Variants in CPS1 observed in about 807,000 individuals in gnomAD.
CPS1 encodes carbamoyl-phosphate synthase [ammonia], mitochondrial.
Under a neutral mutation model 174.6 loss-of-function variants are expected in CPS1, and 109 were observed. That is an observed-to-expected ratio of 0.62 (90% confidence interval 0.53 to 0.73). The LOEUF (loss-of-function observed/expected upper bound fraction) is 0.73. CPS1 is among the 30% of genes least tolerant of loss of function. CPS1 has a pLI of 0.00. For synonymous variants in CPS1, 637 were observed against 632.0 expected (o/e 1.01, Z -0.12); for missense variants, 1,689 against 1,821.9 (o/e 0.93, Z 1.33).
In CPS1 at chr2:210,647,387, C is replaced by G. The variant is rs532273715; in HGVS notation, c.3142-476C>G. On this transcript the variant is annotated intron_variant, in intron 25 of 37. Coordinates refer to ENST00000233072, the MANE Select transcript of CPS1 (RefSeq NM_001875.5). ...GGGGGTCAAAAGTTTATGCTTTATTCTCTAGGCAGTGGAAACCTTTGGAGA... is the reference window on the plus strand; with the variant it reads ...GGGGGTCAAAAGTTTATGCTTTATTGTCTAGGCAGTGGAAACCTTTGGAGA... Among the ~76,000 whole-genome samples, 5 of 152,206 alleles carry G rather than the reference C, an allele frequency of 3.3e-5. No homozygotes were observed. In the South Asian group the frequency reaches 1.0e-3, roughly 32 times the overall value.
At chr2:210,592,416 T>A (rs1698338465) in intron 10 of CPS1, among the ~76,000 whole-genome samples, 1 of 151,990 alleles carries the variant, frequency 6.6e-6, no homozygotes, top group Non-Finnish European at 1.5e-5. Context: ...TCAACAACTA[T>A]CTCATATATT....
intron 28 of CPS1, among the ~76,000 whole-genome samples, chr2:210,651,662 G>C (rs549812072): frequency 1.3e-5 from 2 of 152,040 alleles, no homozygotes; most frequent in Non-Finnish European, 2.9e-5. Context: ...TTCCTTTAGC[G>C]TATGGATAGA....
intron 34 of CPS1, among the ~76,000 whole-genome samples, chr2:210,669,789 T>C (rs1024220730): frequency 2.0e-5 from 3 of 152,152 alleles, no homozygotes; most frequent in African/African-American, 7.2e-5. Context: ...TTTGCCCAAC[T>C]TCCAGTTATG....
intron 1 of CPS1, among the ~76,000 whole-genome samples, chr2:210,502,578 C>CAT (rs1695175939): frequency 6.6e-6 from 1 of 151,196 alleles, no homozygotes; most frequent in African/African-American, 2.4e-5. Context: ...ATGCTGCTTG[C>CAT]ATATGTTAAT....
intron 1 of CPS1, among the ~76,000 whole-genome samples, chr2:210,533,578 C>A (rs1696171716): frequency 6.6e-6 from 1 of 152,150 alleles, no homozygotes; most frequent in East Asian, 1.9e-4. Flanking sequence ...ACAAGCTTCA[C>A]AAAGGAGGGC....
At position 210,660,485 on chromosome 2, in the gene CPS1, G is replaced by A. The variant is rs746346401; in HGVS notation, c.3757G>A (p.Val1253Met). Residue 1253 changes from valine to methionine, a missense_variant and splice_region_variant, in exon 32 of 38, where the codon GTG becomes ATG. Coordinates refer to ENST00000233072, the MANE Select transcript of CPS1 (RefSeq NM_001875.5). ...CTCATTTTGAATTTTATCTCTTCAG[G>A]TGATTGAGTGTAACTTGAGAGCTTC... is the stretch of plus-strand genomic sequence containing the variant. The part of the protein sequence containing the change: ...QFLVKGNDVL[V>M]IECNLRASRS... 2.5e-6 allele frequency: 4 copies of A among 1,613,988 alleles called. No homozygotes were observed. The highest frequency in any genetic ancestry group is 1.7e-5 in the Admixed American group (1 of 60,016).
intron 21 of CPS1, among the ~76,000 whole-genome samples, chr2:210,635,338 C>T (rs1017432040): frequency 2.6e-4 from 39 of 152,262 alleles, no homozygotes; most frequent in African/African-American, 3.6e-4. Flanking sequence ...TCTGGCCTCA[C>T]GTAGCACCAC....
At chr2:210,498,777 G>C (rs1433537900) in intron 1 of CPS1, among the ~76,000 whole-genome samples, 4 of 152,150 alleles carry the variant, frequency 2.6e-5, no homozygotes, top group African/African-American at 9.7e-5. Context: ...CTAGATGCTT[G>C]GAGATCTGCC....
chr2:210,524,939 G>A (rs1386109852), intron 1 of CPS1, among the ~76,000 whole-genome samples: 4 of 151,940 alleles, frequency 2.6e-5, no homozygotes, highest in Non-Finnish European at 5.9e-5. Context: ...ATCTGGTAAA[G>A]TAAGAAGTAT....
intron 1 of CPS1, among the ~76,000 whole-genome samples, chr2:210,567,827 A>G (rs989091422): frequency 9.2e-5 from 14 of 152,136 alleles, no homozygotes; most frequent in African/African-American, 1.4e-4. Context: ...AACTATACCT[A>G]TGTGAAATAT....
At chr2:210,618,761 C>T (rs1324362509) in intron 21 of CPS1, 1 of 152,026 alleles carries the variant, frequency 6.6e-6, no homozygotes, top group Non-Finnish European at 1.5e-5. Context: ...CACCATTAGT[C>T]TGGGTCTGAG....
intron 1 of CPS1, among the ~76,000 whole-genome samples, chr2:210,547,664 G>A (rs1162968994): frequency 6.6e-6 from 1 of 151,936 alleles, no homozygotes; most frequent in African/African-American, 2.4e-5. Flanking sequence ...TTTTCATTAG[G>A]TTTTAAGTCT....
chr2:210,489,205 A>G (rs549353763), intron 1 of CPS1, among the ~76,000 whole-genome samples: 2 of 152,342 alleles, frequency 1.3e-5, no homozygotes, highest in African/African-American at 4.8e-5. Flanking sequence ...TTTCAGAACT[A>G]AAGAATATAT....
intron 1 of CPS1, among the ~76,000 whole-genome samples, chr2:210,480,789 A>T (rs1030022388): frequency 6.6e-6 from 1 of 152,110 alleles, no homozygotes; most frequent in African/African-American, 2.4e-5. Context: ...TAGCTCAAAG[A>T]AGTGTAAAGC....
At chr2:210,662,022 A>C (rs1169495342) in intron 32 of CPS1, among the ~76,000 whole-genome samples, 1 of 142,774 alleles carries the variant, frequency 7.0e-6, no homozygotes, top group African/African-American at 2.6e-5. Flanking sequence ...TCTCCCCCTC[A>C]GCCCCCCAAG....
intron 21 of CPS1, among the ~76,000 whole-genome samples, chr2:210,636,551 A>C (rs1435533083): frequency 6.6e-6 from 1 of 152,132 alleles, no homozygotes; most frequent in Non-Finnish European, 1.5e-5. Flanking sequence ...AGCCAAATGT[A>C]TTCTTTGCCT....
intron 1 of CPS1, among the ~76,000 whole-genome samples, chr2:210,545,938 T>G (rs1379024959): frequency 6.6e-6 from 1 of 152,130 alleles, no homozygotes; most frequent in Non-Finnish European, 1.5e-5. Flanking sequence ...GGTGATCACA[T>G]TTCATCCTGG....
At chr2:210,514,916 G>A (rs1467489928) in intron 1 of CPS1, among the ~76,000 whole-genome samples, 1 of 149,974 alleles carries the variant, frequency 6.7e-6, no homozygotes. Context: ...AAGCGATGTT[G>A]GATTTTATCT....
intron 1 of CPS1, among the ~76,000 whole-genome samples, chr2:210,484,643 C>G (rs762681530): frequency 3.3e-5 from 5 of 152,164 alleles, no homozygotes; most frequent in Admixed American, 6.5e-5. Context: ...GATGAGATGC[C>G]AGAACCACCT....
Sources: allele counts gnomAD v4.1 joint callset (sites outside exome capture counted in the v4.1 genomes callset), GRCh38; gene constraint gnomAD v4.1.1; transcripts MANE v1.5; gene names NCBI Gene and HGNC (gene_info 2026-07-23, HGNC 2026-07-21).